Variants in ATP1B1 observed in about 807,000 individuals in gnomAD.
The protein encoded by ATP1B1 is ATPase Na+/K+ transporting subunit beta 1.
Under a neutral mutation model 39.6 loss-of-function variants are expected in ATP1B1, and 3 were observed. The ratio of observed to expected loss-of-function variants is 0.08; its 90% CI spans 0.03 to 0.20. The LOEUF (loss-of-function observed/expected upper bound fraction) is 0.20. Ranked by LOEUF, ATP1B1 falls within the 10% of genes least tolerant of loss-of-function variation. The pLI is 1.00. For missense variants in ATP1B1, 216 were observed against 371.1 expected, an observed-to-expected ratio of 0.58 and a Z score of 3.43; for synonymous variants, 139 against 135.0, an observed-to-expected ratio of 1.03 and a Z score of -0.20.
chr1:169,116,222 C>A (rs751965107), intron 2 of ATP1B1, among the ~76,000 whole-genome samples: 1 of 152,226 alleles, frequency 6.6e-6, no homozygotes, highest in African/African-American at 2.4e-5. Context: ...TGCCCTTCCC[C>A]CACCTCAGGC....
intron 1 of ATP1B1, chr1:169,110,590 T>TTTTTTG: frequency 9.1e-7 from 1 of 1,097,426 alleles, no homozygotes; most frequent in Admixed American, 3.6e-5. Context: ...TTTTTTTGCT[T>TTTTTTG]TTGCAGCTAT....
chr1:169,107,974 G>A (rs1657640905), intron 1 of ATP1B1: 1 of 152,012 alleles, frequency 6.6e-6, no homozygotes, highest in South Asian at 2.1e-4. Context: ...CTGAACAGAG[G>A]CCGATTGGTG....
chr1:169,126,966 T>C (rs1381369685), intron 3 of ATP1B1, among the ~76,000 whole-genome samples: 2 of 152,214 alleles, frequency 1.3e-5, no homozygotes, highest in Non-Finnish European at 2.9e-5. Flanking sequence ...AGAGACTAAA[T>C]ATTACGTGCT....
intron 1 of ATP1B1, among the ~76,000 whole-genome samples, chr1:169,107,417 G>A (rs1657621007): frequency 6.6e-6 from 1 of 152,168 alleles, no homozygotes; most frequent in African/African-American, 2.4e-5. Context: ...GAAAGAGAAG[G>A]GTGGAGAGGA....
rs1200159 is a variant in ATP1B1 at position 169,131,003 on chromosome 1, T to C, written c.649-289T>C. On this transcript the variant is annotated intron_variant, in intron 5 of 5. Coordinates refer to ENST00000367815, the MANE Select transcript of ATP1B1 (RefSeq NM_001677.4). This position sits in a 1 kb window ranked among gnomAD's most constrained non-coding sequence, Gnocchi z 4.4. Reference sequence around the variant, plus strand: ...TTGGAGATAATATCACTAGACAGATTATTTACTGGGCCAACAGCAAGGTGT... The same window carrying C: ...TTGGAGATAATATCACTAGACAGATCATTTACTGGGCCAACAGCAAGGTGT... Among the ~76,000 whole-genome samples, 90,637 of 151,878 alleles carry C rather than the reference T, an allele frequency of 0.6. 27,279 individuals carry two copies. The highest frequency in any genetic ancestry group is 0.82 in the East Asian group (4,250 of 5,160).
In ATP1B1 at chr1:169,106,801, A is replaced by G. The variant is rs1228357559; in HGVS notation, c.-29A>G. ...CGCGCCGCAGCCACCCACCCTCCGGACCGCGGCAGCTGCTGACCCGCCATC... is the reference window on the plus strand; with the variant it reads ...CGCGCCGCAGCCACCCACCCTCCGGGCCGCGGCAGCTGCTGACCCGCCATC... On this transcript the variant is annotated 5_prime_UTR_variant, in exon 1 of 6. Coordinates refer to ENST00000367815, the MANE Select transcript of ATP1B1 (RefSeq NM_001677.4). The G allele has an allele frequency of 6.5e-7, 1 of 1,542,220 alleles. No individual in the cohort carries two copies. Among genetic ancestry groups the G allele is most frequent in the African/African-American group, 1.4e-5 (1 of 69,978 alleles).
chr1:169,115,639 G>A (rs914568542), intron 2 of ATP1B1, among the ~76,000 whole-genome samples: 9 of 152,220 alleles, frequency 5.9e-5, no homozygotes, highest in South Asian at 2.1e-4. Context: ...GTGAGCCACC[G>A]CACCTGGTCC....
chr1:169,127,682 CAG>C (rs1308165854), intron 4 of ATP1B1, among the ~76,000 whole-genome samples: 1 of 151,788 alleles, frequency 6.6e-6, no homozygotes, highest in Non-Finnish European at 1.5e-5. Context: ...GCTCAGTATC[CAG>C]ATAACAGTTT....
chr1:169,106,701 C>CGCAGCG lies in ATP1B1; in HGVS notation c.-120_-115dup. On this transcript the variant is annotated 5_prime_UTR_variant, in exon 1 of 6. Coordinates refer to ENST00000367815, the MANE Select transcript of ATP1B1 (RefSeq NM_001677.4). ...GCCGCGCGTCTCGCACTCCGAGAGC[C>CGCAGCG]GCAGCGGCAGCGGCGCGTCCTGCCT... is the stretch of plus-strand genomic sequence containing the variant. 1 of 633,862 alleles carries CGCAGCG rather than the reference C, an allele frequency of 1.6e-6. No homozygotes were observed. 39.3% of individuals were successfully genotyped at this position (633,862 alleles called of 1,614,324 possible). A position where few individuals can be genotyped will look rare whatever the true frequency, so the allele number is the denominator to read the frequency against.
intron 1 of ATP1B1, among the ~76,000 whole-genome samples, chr1:169,109,929 A>G (rs776888607): frequency 6.6e-6 from 1 of 152,072 alleles, no homozygotes; most frequent in East Asian, 1.9e-4. Flanking sequence ...TGCTGCTTGG[A>G]TACAGAATGC....
At chr1:169,118,682 T>C (rs754550) in intron 2 of ATP1B1, among the ~76,000 whole-genome samples, 65,684 of 152,064 alleles carry the variant, frequency 0.43, 16,081 homozygotes, top group East Asian at 0.91. Flanking sequence ...TGTGTACATA[T>C]ACGTGTGAGT....
At chr1:169,129,018 C>T (rs1015768483) in intron 4 of ATP1B1, among the ~76,000 whole-genome samples, 2 of 152,202 alleles carry the variant, frequency 1.3e-5, no homozygotes, top group Non-Finnish European at 2.9e-5. Flanking sequence ...TCACTATCCT[C>T]ACCATTGGAG....
chr1:169,120,166 T>G (rs558624701), intron 2 of ATP1B1, among the ~76,000 whole-genome samples: 1 of 152,158 alleles, frequency 6.6e-6, no homozygotes, highest in South Asian at 2.1e-4. Context: ...TGAGAGACCT[T>G]GTGGAAATGT....
chr1:169,126,077 T>TGG (rs71485877), intron 3 of ATP1B1, among the ~76,000 whole-genome samples: 45,265 of 151,990 alleles, frequency 0.3, 7,777 homozygotes, highest in Non-Finnish European at 0.4. Flanking sequence ...ACTCCAGTTC[T>TGG]TTATAAGGCA....
At chr1:169,113,317 C>T (rs546155016) in intron 2 of ATP1B1, among the ~76,000 whole-genome samples, 4 of 152,114 alleles carry the variant, frequency 2.6e-5, no homozygotes, top group Non-Finnish European at 5.9e-5. Context: ...CCACCCACTT[C>T]GGCCTCCCAA....
Position 169,129,990 on chromosome 1 carries a change from A to T in ATP1B1, c.568-20A>T. 1 of 1,609,620 alleles carries T rather than the reference A, an allele frequency of 6.2e-7. No homozygotes were observed. The highest frequency in any genetic ancestry group is 1.1e-5 in the South Asian group (1 of 90,904). On this transcript the variant is annotated intron_variant, in intron 4 of 5. Coordinates refer to ENST00000367815, the MANE Select transcript of ATP1B1 (RefSeq NM_001677.4). ...AGAAATCATTTACAATCTACTGATC[A>T]TAATGGGTTTTATTTTTAGCCTCCC...
At chr1:169,122,829 G>C (rs1408645396) in intron 2 of ATP1B1, among the ~76,000 whole-genome samples, 1 of 143,872 alleles carries the variant, frequency 7.0e-6, no homozygotes, top group East Asian at 2.0e-4. Flanking sequence ...GGGCTCAAGC[G>C]ATCCTTCCAT....
intron 4 of ATP1B1, 63 bp downstream of exon 4, chr1:169,127,471 T>G: frequency 1.3e-6 from 2 of 1,511,444 alleles, no homozygotes; most frequent in Non-Finnish European, 1.8e-6. Context: ...TTAATTGATC[T>G]GAGAAGACAA....
chr1:169,131,900 C>A lies in ATP1B1; in HGVS notation c.*345C>A. The stretch of plus-strand genomic sequence containing the variant: ...GTATTTTATTTAGTGTACAGTACTA[C>A]AGGTGCATACTCTGGTCATTTTTCA... On this transcript the variant is annotated 3_prime_UTR_variant, in exon 6 of 6. Transcript: ENST00000367815. The surrounding 1 kb of genome is among the most constrained non-coding windows in gnomAD (Gnocchi z 4.4). 2.9e-6 allele frequency: 1 copy of A among 350,732 alleles called. No homozygotes were observed. The highest frequency in any genetic ancestry group is 2.2e-5 in the African/African-American group (1 of 46,304). 21.7% of individuals were successfully genotyped at this position (350,732 alleles called of 1,614,324 possible). A position where few individuals can be genotyped will look rare whatever the true frequency, so the allele number is the denominator to read the frequency against.
Sources: gnomAD v4.1 joint callset for allele counts (sites outside exome capture counted in the v4.1 genomes callset) on GRCh38, gnomAD v4.1.1 for gene constraint, Gnocchi (gnomAD v3.1) non-coding constraint, MANE v1.5 for transcripts, NCBI Gene and HGNC (gene_info 2026-07-23, HGNC 2026-07-21) for gene names.